Variants in GRIP1 observed in about 807,000 individuals in gnomAD.
The protein encoded by GRIP1 is glutamate receptor interacting protein 1, also known as glutamate receptor-interacting protein 1.
GRIP1 carries 45 observed loss-of-function variants against 129.9 expected under a neutral mutation model. The ratio of observed to expected loss-of-function variants is 0.35; its 90% CI spans 0.27 to 0.44. GRIP1 has a LOEUF of 0.44. GRIP1 is among the 20% of genes least tolerant of loss of function. The pLI is 1.00. For missense variants in GRIP1, 1,196 were observed against 1,396.8 expected (o/e 0.86, Z 2.29); for synonymous variants, 530 against 520.8 (o/e 1.02, Z -0.24).
chr12:66,556,773 A>G (rs2062348139), intron 2 of GRIP1, among the ~76,000 whole-genome samples: 2 of 152,238 alleles, frequency 1.3e-5, no homozygotes, highest in African/African-American at 4.8e-5. Flanking sequence ...ATAATGGGTT[A>G]TAAGACAGTA....
At chr12:66,713,531 CA>C (rs2035775664) in intron 1 of GRIP1, among the ~76,000 whole-genome samples, 1 of 108,492 alleles carries the variant, frequency 9.2e-6, no homozygotes. Flanking sequence ...GACCAAAAGT[CA>C]AGATATTTAT....
chr12:66,537,624 C>T (rs2061645834), intron 4 of GRIP1, among the ~76,000 whole-genome samples: 1 of 151,976 alleles, frequency 6.6e-6, no homozygotes, highest in Non-Finnish European at 1.5e-5. Context: ...ACTAAATATG[C>T]TTTTCCTAAA....
At chr12:66,412,319 G>A (rs2057431551) in intron 15 of GRIP1, among the ~76,000 whole-genome samples, 1 of 152,178 alleles carries the variant, frequency 6.6e-6, no homozygotes, top group Admixed American at 6.5e-5. Flanking sequence ...GAGTTTGGGG[G>A]CCAATATTCA....
At chr12:67,010,287 A>G (rs540000001) in intron 1 of GRIP1, among the ~76,000 whole-genome samples, 25 of 152,246 alleles carry the variant, frequency 1.6e-4, no homozygotes, top group Non-Finnish European at 3.4e-4. Context: ...AATTGACTGC[A>G]CAAGTGTAAG....
intron 15 of GRIP1, among the ~76,000 whole-genome samples, chr12:66,414,198 T>C (rs2057502886): frequency 6.6e-6 from 1 of 152,128 alleles, no homozygotes; most frequent in African/African-American, 2.4e-5. Flanking sequence ...GAAAACCGCA[T>C]CATCTCAGCC....
intron 2 of GRIP1, among the ~76,000 whole-genome samples, chr12:66,582,635 A>T (rs936949631): frequency 2.2e-5 from 3 of 139,076 alleles, no homozygotes; most frequent in Admixed American, 1.5e-4. Context: ...GAGCCAAATC[A>T]TGAGTGAACT....
At chr12:66,823,847 G>A (rs965179667) in intron 1 of GRIP1, among the ~76,000 whole-genome samples, 7 of 152,020 alleles carry the variant, frequency 4.6e-5, no homozygotes, top group Admixed American at 2.6e-4. Context: ...ATAACCACAC[G>A]CTTTTTACTG....
rs1048281664 is a variant in GRIP1 at position 66,444,854 on chromosome 12, T to C, written c.1542-125A>G. ...TAATTTGGTCTTGCTTATTCAATGC[T>C]GTGGGCATCATATAGGTCAAATTCA... On this transcript the variant is annotated intron_variant, in intron 12 of 24. Transcript: ENST00000359742. The C allele has an allele frequency of 1.0e-4, 98 of 935,368 alleles. No homozygotes were observed. In the South Asian group the frequency reaches 1.3e-3, roughly 12 times the overall value. 57.9% of individuals were successfully genotyped at this position (935,368 alleles called of 1,614,324 possible). A position where few individuals can be genotyped will look rare whatever the true frequency, so the allele number is the denominator to read the frequency against.
intron 19 of GRIP1, among the ~76,000 whole-genome samples, chr12:66,387,492 A>C (rs774900509): frequency 2.0e-5 from 3 of 152,236 alleles, no homozygotes; most frequent in Non-Finnish European, 2.9e-5. Flanking sequence ...AGTGGTGAGC[A>C]GTAATTGAAA....
intron 1 of GRIP1, among the ~76,000 whole-genome samples, chr12:66,620,658 TTC>T (rs557296895): frequency 1.2e-3 from 187 of 152,216 alleles, no homozygotes; most frequent in African/African-American, 4.3e-3. Context: ...AGTGCATTCT[TTC>T]TCTTTCTTTT....
intron 14 of GRIP1, among the ~76,000 whole-genome samples, chr12:66,430,535 T>C (rs2058117452): frequency 6.6e-6 from 1 of 152,214 alleles, no homozygotes; most frequent in Non-Finnish European, 1.5e-5. Flanking sequence ...AACACCATCA[T>C]AAAGCATAAT....
At chr12:66,883,349 A>G (rs1296639038) in intron 1 of GRIP1, among the ~76,000 whole-genome samples, 2 of 152,032 alleles carry the variant, frequency 1.3e-5, no homozygotes, top group Non-Finnish European at 2.9e-5. Flanking sequence ...ATGTTTTTTC[A>G]TCTTCATTTT....
At chr12:67,043,425 A>G (rs965092532) in intron 1 of GRIP1, among the ~76,000 whole-genome samples, 1 of 152,314 alleles carries the variant, frequency 6.6e-6, no homozygotes. Context: ...AAAGTGATCT[A>G]CAGCTCTTAA....
intron 1 of GRIP1, among the ~76,000 whole-genome samples, chr12:67,041,689 G>C (rs1055753688): frequency 6.7e-6 from 1 of 150,208 alleles, no homozygotes; most frequent in African/African-American, 2.4e-5. Flanking sequence ...CCTAAGTATT[G>C]TAAATAAATT....
At chr12:66,745,017 A>C (rs1049310345) in intron 1 of GRIP1, among the ~76,000 whole-genome samples, 24 of 152,174 alleles carry the variant, frequency 1.6e-4, no homozygotes, top group Non-Finnish European at 1.5e-5. Context: ...CTTGAATTTC[A>C]GGGACAAACA....
chr12:66,974,829 A>T (rs1350063542), intron 1 of GRIP1, among the ~76,000 whole-genome samples: 1 of 152,184 alleles, frequency 6.6e-6, no homozygotes, highest in East Asian at 1.9e-4. Context: ...CTCATTTCCT[A>T]AAGCTTCTTC....
chr12:66,706,982 T>A (rs2035552002), intron 1 of GRIP1, among the ~76,000 whole-genome samples: 1 of 151,804 alleles, frequency 6.6e-6, no homozygotes, highest in East Asian at 1.9e-4. Flanking sequence ...TATCCCTTTT[T>A]TTTTTTAAGA....
At chr12:66,898,507 C>T (rs1185984879) in intron 1 of GRIP1, among the ~76,000 whole-genome samples, 3 of 152,122 alleles carry the variant, frequency 2.0e-5, no homozygotes, top group Non-Finnish European at 2.9e-5. Context: ...ATTTTCTAAC[C>T]TATTGATAAT....
intron 7 of GRIP1, among the ~76,000 whole-genome samples, chr12:66,466,933 T>C (rs1047947952): frequency 6.6e-6 from 1 of 152,172 alleles, no homozygotes; most frequent in African/African-American, 2.4e-5. Context: ...TCAGGTAATA[T>C]GCACTGACTC....
Sources: gnomAD v4.1 joint callset for allele counts (sites outside exome capture counted in the v4.1 genomes callset) on GRCh38, gnomAD v4.1.1 for gene constraint, MANE v1.5 for transcripts, NCBI Gene and HGNC (gene_info 2026-07-23, HGNC 2026-07-21) for gene names.